DLG1: variants seen among roughly 807,000 people sequenced by gnomAD.
DLG1 encodes disks large homolog 1.
DLG1 carries 42 observed loss-of-function variants against 123.4 expected under a neutral mutation model. The ratio of observed to expected loss-of-function variants is 0.34; its 90% CI spans 0.27 to 0.44. The LOEUF (loss-of-function observed/expected upper bound fraction) is 0.44, where lower values mean the gene tolerates loss of function less well. Among genes scored for constraint, DLG1 ranks in the 20% least tolerant of loss-of-function variants. The pLI is 1.00. For missense variants in DLG1, 942 were observed against 1,082.6 expected (o/e 0.87, Z 1.82); for synonymous variants, 317 against 356.2 (o/e 0.89, Z 1.24).
Position 197,142,699 on chromosome 3 carries a change from TTAAGA to T in DLG1, c.588+14_588+18del, listed in dbSNP as rs528460296. On this transcript the variant is annotated intron_variant, in intron 7 of 24. Coordinates refer to ENST00000667157, the MANE Select transcript of DLG1 (RefSeq NM_001366207.1). ...TTACAAAGTTCTCTAGAACAACAGA[TTAAGA>T]TAATAGTTTTTACCCTTTCAAGTGT... 744 of 1,576,284 alleles carry T rather than the reference TTAAGA, an allele frequency of 4.7e-4. 1 individual carries two copies. Among genetic ancestry groups the T allele is most frequent in the African/African-American group, 8.7e-4 (64 of 73,796 alleles).
At chr3:197,282,597 T>C in intron 4 of DLG1, 82 bp downstream of exon 4, 1 of 909,736 alleles carries the variant, frequency 1.1e-6, no homozygotes, top group Non-Finnish European at 1.5e-6. Context: ...TATAAAATAT[T>C]ATTTTAATAA....
chr3:197,126,052 G>A (rs906732583), intron 11 of DLG1, among the ~76,000 whole-genome samples: 4 of 152,166 alleles, frequency 2.6e-5, no homozygotes, highest in Non-Finnish European at 5.9e-5. Flanking sequence ...AGTGTACAAC[G>A]AAACCCACAT....
At chr3:197,047,490 T>C (rs1232010504) in intron 24 of DLG1, among the ~76,000 whole-genome samples, 2 of 152,098 alleles carry the variant, frequency 1.3e-5, no homozygotes, top group Non-Finnish European at 2.9e-5. Context: ...AGGCTGATAT[T>C]ATTTCAAACA....
At chr3:197,262,261 G>C (rs1405744930) in intron 4 of DLG1, among the ~76,000 whole-genome samples, 1 of 152,086 alleles carries the variant, frequency 6.6e-6, no homozygotes, top group East Asian at 1.9e-4. Flanking sequence ...GTTGGGGGCT[G>C]GAGATCAAGC....
At chr3:197,183,289 G>A (rs11928645) in intron 5 of DLG1, among the ~76,000 whole-genome samples, 23,291 of 152,044 alleles carry the variant, frequency 0.15, 1,916 homozygotes, top group African/African-American at 0.2. Flanking sequence ...AAGGAGATGA[G>A]CATTATTAAT....
At chr3:197,176,488 C>A (rs1159427945) in intron 5 of DLG1, among the ~76,000 whole-genome samples, 1 of 152,080 alleles carries the variant, frequency 6.6e-6, no homozygotes, top group Non-Finnish European at 1.5e-5. Context: ...TAACCCCTGG[C>A]AACCACTGAT....
intron 4 of DLG1, among the ~76,000 whole-genome samples, chr3:197,236,982 C>G (rs1746299462): frequency 6.6e-6 from 1 of 152,006 alleles, no homozygotes; most frequent in Admixed American, 6.6e-5. Context: ...ATTTAATTGA[C>G]TAAAATTTAA....
chr3:197,069,303 A>T, intron 18 of DLG1, 43 bp from the exon 19 acceptor site: 1 of 1,371,282 alleles, frequency 7.3e-7, no homozygotes, highest in Non-Finnish European at 1.0e-6. Flanking sequence ...CAGTGTCATG[A>T]GTTTAAAAAG....
chr3:197,161,593 T>C (rs770352212), intron 5 of DLG1: 6 of 1,164,846 alleles, frequency 5.2e-6, no homozygotes, highest in Admixed American at 6.8e-5. Context: ...AATGAAACAT[T>C]AAAAGCAAAT....
At chr3:197,282,596 T>C (rs980628058) in intron 4 of DLG1, 83 bp downstream of exon 4, 35 of 901,018 alleles carry the variant, frequency 3.9e-5, no homozygotes, top group Non-Finnish European at 4.9e-5. Context: ...GTATAAAATA[T>C]TATTTTAATA....
In DLG1 at chr3:197,252,030, T is replaced by C. The variant is rs546227544; in HGVS notation, c.318+30649A>G. 9.2e-5 allele frequency among the ~76,000 whole-genome samples: 14 copies of C among 152,308 alleles called. No homozygotes were observed. In the South Asian group the frequency reaches 2.7e-3, roughly 29 times the overall value. On this transcript the variant is annotated intron_variant, in intron 4 of 24. Transcript: ENST00000667157. ...GTACAGAACAGTCTTTTCTGAATCA[T>C]TCTTTCTCTTTTCCCTCTTTTATAG... is the stretch of plus-strand genomic sequence containing the variant.
chr3:197,213,043 G>A (rs1181207954), intron 4 of DLG1, among the ~76,000 whole-genome samples: 1 of 152,078 alleles, frequency 6.6e-6, no homozygotes, highest in Non-Finnish European at 1.5e-5. Context: ...TTATACCTAG[G>A]ATATGAAAAC....
intron 24 of DLG1, among the ~76,000 whole-genome samples, chr3:197,046,775 T>G: frequency 6.6e-6 from 1 of 151,658 alleles, no homozygotes; most frequent in Admixed American, 6.6e-5. Context: ...GAGGCTGAGG[T>G]GGGAGGATCA....
intron 4 of DLG1, among the ~76,000 whole-genome samples, chr3:197,270,717 T>A (rs1243825049): frequency 6.6e-6 from 1 of 152,146 alleles, no homozygotes; most frequent in African/African-American, 2.4e-5. Context: ...GTGGAAGATC[T>A]GGAGGTCCCC....
At position 197,122,014 on chromosome 3, in the gene DLG1, C is replaced by A. The variant is rs186454816; in HGVS notation, c.1166-2484G>T. Among the ~76,000 whole-genome samples, 24 of 151,864 alleles carry A rather than the reference C, an allele frequency of 1.6e-4. No individual in the cohort carries two copies. In the East Asian group the frequency reaches 3.9e-3, roughly 24 times the overall value. ...AACAAAACATCTAGAGATGAAATAA[C>A]ATTCTGAAACATTACAAGACAGAAA... On this transcript the variant is annotated intron_variant, in intron 11 of 24. Transcript: ENST00000667157.
intron 18 of DLG1, 87 bp from the exon 19 acceptor site, chr3:197,069,347 C>T: frequency 7.8e-6 from 6 of 773,120 alleles, no homozygotes; most frequent in Non-Finnish European, 1.2e-5. Context: ...AGATATAAGC[C>T]ATATATAACA....
chr3:197,064,554 A>G (rs544369380), intron 22 of DLG1, among the ~76,000 whole-genome samples: 1 of 152,008 alleles, frequency 6.6e-6, no homozygotes, highest in East Asian at 1.9e-4. Flanking sequence ...AGGCCATTTT[A>G]TATCTTATTT....
At chr3:197,238,736 GAATC>G (rs1181882759) in intron 4 of DLG1, among the ~76,000 whole-genome samples, 1 of 152,046 alleles carries the variant, frequency 6.6e-6, no homozygotes, top group Non-Finnish European at 1.5e-5. Flanking sequence ...CACAAGCAAT[GAATC>G]AAAGAAGAAA....
intron 4 of DLG1, among the ~76,000 whole-genome samples, chr3:197,263,350 G>A (rs898760171): frequency 0.059 from 100 of 1,706 alleles, no homozygotes; most frequent in African/African-American, 0.15. Context: ...ATTTTCTTCG[G>A]GGGGGTGGGA....
Sources: gnomAD v4.1 joint callset for allele counts (sites outside exome capture counted in the v4.1 genomes callset) on GRCh38, gnomAD v4.1.1 for gene constraint, MANE v1.5 for transcripts, NCBI Gene and HGNC (gene_info 2026-07-23, HGNC 2026-07-21) for gene names.